The following TNR variants were observed in gnomAD, a reference collection of about 807,000 sequenced individuals.
TNR encodes tenascin-R.
TNR carries 45 observed loss-of-function variants against 150.4 expected under a neutral mutation model. The observed-to-expected ratio is 0.30, with a 90% CI of 0.24 to 0.38. TNR has a LOEUF of 0.38. Ranked by LOEUF, TNR falls within the 10% of genes least tolerant of loss-of-function variation. The pLI, the probability that TNR is intolerant of heterozygous loss-of-function variation, is 1.00. For missense variants in TNR, 1,544 were observed against 1,759.1 expected (o/e 0.88, Z 2.19); for synonymous variants, 687 against 678.4 (o/e 1.01, Z -0.20).
intron 21 of TNR, among the ~76,000 whole-genome samples, chr1:175,325,202 T>A (rs1364572171): frequency 1.3e-5 from 2 of 152,026 alleles, no homozygotes; most frequent in Non-Finnish European, 2.9e-5. Flanking sequence ...ATAAATTCTG[T>A]GGGGAAGTAT....
At chr1:175,567,668 T>C (rs1661696957) in intron 1 of TNR, among the ~76,000 whole-genome samples, 1 of 152,168 alleles carries the variant, frequency 6.6e-6, no homozygotes, top group Non-Finnish European at 1.5e-5. Flanking sequence ...AGGAGGAACC[T>C]GGGACCTCTG....
At chr1:175,584,304 A>G (rs1369589467) in intron 1 of TNR, among the ~76,000 whole-genome samples, 1 of 152,168 alleles carries the variant, frequency 6.6e-6, no homozygotes, top group East Asian at 1.9e-4. Context: ...AGGCAGCCAC[A>G]TGACTGGAGT....
At chr1:175,403,815 C>A (rs1198207082) in intron 3 of TNR, among the ~76,000 whole-genome samples, 199 bp from the exon 4 acceptor site, 1 of 152,190 alleles carries the variant, frequency 6.6e-6, no homozygotes, top group African/African-American at 2.4e-5. Flanking sequence ...TAGCACAGGG[C>A]TGGGGGCAAA....
chr1:175,335,563 C>T, intron 20 of TNR, 148 bp downstream of exon 20: 1 of 710,254 alleles, frequency 1.4e-6, no homozygotes, highest in Non-Finnish European at 2.4e-6. Context: ...TGAAGCTAAA[C>T]AGAGCAAGAG....
intron 1 of TNR, among the ~76,000 whole-genome samples, chr1:175,583,757 A>G (rs1169262110): frequency 6.6e-6 from 1 of 152,146 alleles, no homozygotes; most frequent in Non-Finnish European, 1.5e-5. Context: ...AGGCATGGTG[A>G]GGGTCAGCCA....
At chr1:175,350,524 A>C (rs1372988498) in intron 18 of TNR, among the ~76,000 whole-genome samples, 1 of 152,240 alleles carries the variant, frequency 6.6e-6, no homozygotes, top group African/African-American at 2.4e-5. Flanking sequence ...TAAATTATAA[A>C]TAATGTATCC....
At chr1:175,414,942 C>CA (rs112229448) in intron 2 of TNR, among the ~76,000 whole-genome samples, 235 of 128,876 alleles carry the variant, frequency 1.8e-3, no homozygotes, top group East Asian at 8.1e-3. Flanking sequence ...GGCCTCAGGG[C>CA]AAAAAAAAAA....
At chr1:175,608,337 A>C (rs1208066198) in intron 1 of TNR, among the ~76,000 whole-genome samples, 2 of 152,248 alleles carry the variant, frequency 1.3e-5, no homozygotes, top group Non-Finnish European at 2.9e-5. Context: ...ATCTTTCTGG[A>C]AAAACACCAA....
chr1:175,409,911 C>T (rs903383950), intron 2 of TNR, among the ~76,000 whole-genome samples: 3 of 152,146 alleles, frequency 2.0e-5, no homozygotes, highest in Non-Finnish European at 4.4e-5. Flanking sequence ...ATATGTCATA[C>T]ATAATGTATT....
Position 175,379,530 on chromosome 1 carries a change from C to T in TNR, c.1963+22G>A, listed in dbSNP as rs3737930. On this transcript the variant is annotated intron_variant, in intron 9 of 22. Coordinates refer to ENST00000367674, the MANE Select transcript of TNR (RefSeq NM_003285.3). ...TATAGACTCAGCAACCAGCATAACCCCAAGAGATAGGTCTTACTCACCTGT... is the reference window on the plus strand; with the variant it reads ...TATAGACTCAGCAACCAGCATAACCTCAAGAGATAGGTCTTACTCACCTGT... 35 of 1,605,642 alleles carry T rather than the reference C, an allele frequency of 2.2e-5. No individual in the cohort carries two copies. In the South Asian group the frequency reaches 3.8e-4, roughly 17 times the overall value.
intron 1 of TNR, among the ~76,000 whole-genome samples, chr1:175,549,811 G>T (rs1463267508): frequency 6.6e-6 from 1 of 152,156 alleles, no homozygotes; most frequent in African/African-American, 2.4e-5. Flanking sequence ...ACCTGGAGTA[G>T]CTTGGAACAG....
chr1:175,352,130 G>C (rs1022005959), intron 18 of TNR, among the ~76,000 whole-genome samples: 1 of 152,144 alleles, frequency 6.6e-6, no homozygotes, highest in African/African-American at 2.4e-5. Flanking sequence ...ACTGCTTGGC[G>C]CAGCTGCATC....
intron 1 of TNR, among the ~76,000 whole-genome samples, chr1:175,583,620 G>C (rs936700144): frequency 1.3e-5 from 2 of 152,166 alleles, no homozygotes; most frequent in Non-Finnish European, 2.9e-5. Flanking sequence ...GGCCATAGTA[G>C]AGCAGTGGTC....
intron 2 of TNR, among the ~76,000 whole-genome samples, chr1:175,408,323 A>C (rs1654051902): frequency 6.6e-6 from 1 of 152,260 alleles, no homozygotes; most frequent in South Asian, 2.1e-4. Context: ...AGTGAGCAAA[A>C]GGTTAAATCA....
At position 175,604,538 on chromosome 1, in the gene TNR, C is replaced by A. The variant is rs144119459; in HGVS notation, c.-164-76169G>T. ...ATAAAGAAAAGCTCACTTCCTTGCC[C>A]GATGCTATCTTGCTGCCCAGAGAGA... On this transcript the variant is annotated intron_variant, in intron 1 of 22. Transcript: ENST00000367674. 2.6e-5 allele frequency among the ~76,000 whole-genome samples: 4 copies of A among 152,224 alleles called. No individual in the cohort carries two copies. The South Asian group carries it at 6.2e-4, about 24-fold the overall frequency.
chr1:175,417,525 C>T (rs77424125), intron 2 of TNR, among the ~76,000 whole-genome samples: 2,033 of 152,206 alleles, frequency 0.013, 34 homozygotes, highest in African/African-American at 0.046. Context: ...CGCATATTAA[C>T]GTATTAGCAG....
Position 175,458,820 on chromosome 1 carries a change from A to G in TNR, c.-63-52043T>C, listed in dbSNP as rs371146653. Among the ~76,000 whole-genome samples the G allele has an allele frequency of 5.9e-5, 9 of 152,308 alleles. No individual in the cohort carries two copies. In the East Asian group the frequency reaches 1.7e-3, roughly 29 times the overall value. ...AAAAAATATTTTGAATGCAAAGATT[A>G]TATTGTTACACAGACCACGGCCATT... On this transcript the variant is annotated intron_variant, in intron 2 of 22. Coordinates refer to ENST00000367674, the MANE Select transcript of TNR (RefSeq NM_003285.3).
intron 2 of TNR, among the ~76,000 whole-genome samples, chr1:175,495,186 G>C (rs1487882563): frequency 6.6e-6 from 1 of 152,216 alleles, no homozygotes; most frequent in Non-Finnish European, 1.5e-5. Context: ...AGAATTCACA[G>C]TCCAGTGCAG....
intron 1 of TNR, among the ~76,000 whole-genome samples, chr1:175,623,123 T>C (rs762588989): frequency 4.6e-5 from 7 of 152,238 alleles, no homozygotes; most frequent in Non-Finnish European, 8.8e-5. Flanking sequence ...TTGTCTCTCA[T>C]GGGATCCGAA....
Sources: allele counts gnomAD v4.1 joint callset (sites outside exome capture counted in the v4.1 genomes callset), GRCh38; gene constraint gnomAD v4.1.1; transcripts MANE v1.5; gene names NCBI Gene and HGNC (gene_info 2026-07-23, HGNC 2026-07-21).